The following TSPEAR variants were observed in gnomAD, a reference collection of about 807,000 sequenced individuals.
TSPEAR encodes thrombospondin type laminin G domain and EAR repeats.
Under a neutral mutation model 71.6 loss-of-function variants are expected in TSPEAR, and 69 were observed. That is an observed-to-expected ratio of 0.96 (90% CI 0.79 to 1.18). The LOEUF (loss-of-function observed/expected upper bound fraction) is 1.18, where lower values mean the gene tolerates loss of function less well. Among genes scored for constraint, TSPEAR ranks in the 50% most tolerant of loss-of-function variants. TSPEAR has a pLI of 0.00. For missense variants in TSPEAR, 971 were observed against 894.9 expected (o/e 1.09, Z -1.09); for synonymous variants, 402 against 387.2 (o/e 1.04, Z -0.45).
intron 1 of TSPEAR, chr21:44,627,821 C>T (rs782533154): frequency 7.4e-6 from 12 of 1,611,054 alleles, no homozygotes; most frequent in African/African-American, 4.0e-5. Context: ...GGCTGCCAGC[C>T]GGCTTGCTGC....
intron 1 of TSPEAR, among the ~76,000 whole-genome samples, chr21:44,625,856 G>C (rs1982740105): frequency 1.3e-5 from 2 of 152,298 alleles, no homozygotes; most frequent in South Asian, 4.1e-4. Flanking sequence ...CACCCCCAGG[G>C]ACAGTAGCTG....
At chr21:44,706,751 G>A (rs1392964824) in intron 1 of TSPEAR, among the ~76,000 whole-genome samples, 2 of 152,126 alleles carry the variant, frequency 1.3e-5, no homozygotes, top group Non-Finnish European at 2.9e-5. Flanking sequence ...ACCCGACTAG[G>A]TCACCCTAGA....
intron 1 of TSPEAR, among the ~76,000 whole-genome samples, chr21:44,665,834 T>C (rs868949325): frequency 6.6e-6 from 1 of 152,214 alleles, no homozygotes; most frequent in Non-Finnish European, 1.5e-5. Context: ...CTCCGCGACC[T>C]GGGAAACAGG....
intron 2 of TSPEAR, among the ~76,000 whole-genome samples, chr21:44,548,958 G>A (rs1175622573): frequency 3.3e-5 from 5 of 152,254 alleles, no homozygotes; most frequent in African/African-American, 7.2e-5. Flanking sequence ...GAAAACGAGC[G>A]CTTAGACAAA....
intron 1 of TSPEAR, chr21:44,654,515 A>G (rs1985011822): frequency 6.2e-7 from 1 of 1,613,336 alleles, no homozygotes. Context: ...CAGCAGCAGG[A>G]GGTCCCATAG....
In TSPEAR at chr21:44,499,631, C is replaced by T. The variant is rs2051987405; in HGVS notation, c.*152G>A. On this transcript the variant is annotated 3_prime_UTR_variant, in exon 12 of 12. Transcript: ENST00000323084. ...GGTGGATGGATGTCCCTGCCCGAAC[C>T]AGGGCCGCAGATGGCCCCACCTGCA... 2.7e-6 allele frequency: 2 copies of T among 738,342 alleles called. No homozygotes were observed. The highest frequency in any genetic ancestry group is 4.2e-6 in the Non-Finnish European group (2 of 481,292). The allele number at this position is 738,342 out of a possible 1,614,324, so 45.7% of individuals were successfully genotyped here.
chr21:44,599,642 T>C (rs1313876045), intron 1 of TSPEAR, among the ~76,000 whole-genome samples: 4 of 152,218 alleles, frequency 2.6e-5, no homozygotes, highest in African/African-American at 7.2e-5. Flanking sequence ...CATGAATAAA[T>C]GAATGCTTGA....
intron 2 of TSPEAR, among the ~76,000 whole-genome samples, chr21:44,564,186 C>T (rs2146063474): frequency 6.6e-6 from 1 of 152,238 alleles, no homozygotes; most frequent in South Asian, 2.1e-4. Context: ...CAATGAATGA[C>T]CACAAAAGTG....
At chr21:44,698,793 C>G (rs1477441147) in intron 1 of TSPEAR, among the ~76,000 whole-genome samples, 1 of 152,234 alleles carries the variant, frequency 6.6e-6, no homozygotes, top group Non-Finnish European at 1.5e-5. Context: ...TTCTACTGCC[C>G]CTACAACTCC....
At chr21:44,517,482 T>C (rs2052614649) in intron 9 of TSPEAR, 3 of 292,328 alleles carry the variant, frequency 1.0e-5, no homozygotes, top group Non-Finnish European at 2.0e-5. Flanking sequence ...CCAGCTAGGC[T>C]GGGTCATATG....
intron 1 of TSPEAR, among the ~76,000 whole-genome samples, chr21:44,615,463 A>G (rs1379173284): frequency 1.3e-5 from 2 of 152,038 alleles, no homozygotes; most frequent in Non-Finnish European, 2.9e-5. Context: ...TAGCTGGGGG[A>G]TTAAAGACAT....
chr21:44,695,982 G>C lies in TSPEAR; in HGVS notation c.82+15451C>G, dbSNP rs1267063529. Among the ~76,000 whole-genome samples the C allele has an allele frequency of 1.3e-5, 2 of 152,198 alleles. No individual in the cohort carries two copies. Among genetic ancestry groups the C allele is most frequent in the African/African-American group, 4.8e-5 (2 of 41,438 alleles). On this transcript the variant is annotated intron_variant, in intron 1 of 11. Transcript: ENST00000323084. The surrounding 1 kb of genome is among the most constrained non-coding windows in gnomAD (Gnocchi z 4.5). ...AGGCTAGATGAGCCCTGGGGCTCTA[G>C]AGTCCTCAACCACAAAGGCTGCCGA...
intron 1 of TSPEAR, among the ~76,000 whole-genome samples, chr21:44,670,218 TAGTTTCTGTGTC>T (rs1985989852): frequency 6.6e-6 from 1 of 152,212 alleles, no homozygotes; most frequent in Non-Finnish European, 1.5e-5. Flanking sequence ...GATGATGTTC[TAGTTTCTGTGTC>T]AGGTAGTGGG....
At chr21:44,703,170 C>G (rs1480987377) in intron 1 of TSPEAR, among the ~76,000 whole-genome samples, 1 of 152,358 alleles carries the variant, frequency 6.6e-6, no homozygotes, top group African/African-American at 2.4e-5. Context: ...CCTCTCCCAG[C>G]CTAGTGTTTA....
intron 11 of TSPEAR, among the ~76,000 whole-genome samples, 167 bp from the exon 12 acceptor site, chr21:44,500,103 G>A (rs1225909081): frequency 6.6e-6 from 1 of 152,168 alleles, no homozygotes. Flanking sequence ...GGGCCATGAG[G>A]GCCTTCTCAT....
At chr21:44,625,475 G>T (rs2146199038) in intron 1 of TSPEAR, among the ~76,000 whole-genome samples, 1 of 152,312 alleles carries the variant, frequency 6.6e-6, no homozygotes, top group South Asian at 2.1e-4. Context: ...AATGGGACTT[G>T]AATTATCTAT....
At chr21:44,617,764 A>C (rs782193928) in intron 1 of TSPEAR, among the ~76,000 whole-genome samples, 1 of 152,246 alleles carries the variant, frequency 6.6e-6, no homozygotes, top group Non-Finnish European at 1.5e-5. Context: ...AACACGCTGC[A>C]CTTGATGTCT....
In TSPEAR at chr21:44,647,779, G is replaced by A. The variant is rs587641819; in HGVS notation, c.82+63654C>T. The A allele has an allele frequency of 1.2e-4, 29 of 234,288 alleles. No homozygotes were observed. The South Asian group carries it at 2.2e-3, about 18-fold the overall frequency. 14.5% of individuals were successfully genotyped at this position (234,288 alleles called of 1,614,324 possible). A position where few individuals can be genotyped will look rare whatever the true frequency, so the allele number is the denominator to read the frequency against. ...CTCTCATTCCGAGATCAAACACTTGGAAGACAGCAGGCTTTGAAAGCAAAT... is the reference window on the plus strand; with the variant it reads ...CTCTCATTCCGAGATCAAACACTTGAAAGACAGCAGGCTTTGAAAGCAAAT... On this transcript the variant is annotated intron_variant, in intron 1 of 11. Coordinates refer to ENST00000323084, the MANE Select transcript of TSPEAR (RefSeq NM_144991.3).
intron 1 of TSPEAR, among the ~76,000 whole-genome samples, chr21:44,604,262 TG>T (rs1202973400): frequency 1.3e-5 from 2 of 152,210 alleles, no homozygotes; most frequent in African/African-American, 4.8e-5. Context: ...TGACTTCTGT[TG>T]GTTTCTGAAC....
Sources: allele counts gnomAD v4.1 joint callset (sites outside exome capture counted in the v4.1 genomes callset), GRCh38; gene constraint gnomAD v4.1.1; non-coding constraint Gnocchi (gnomAD v3.1); transcripts MANE v1.5; gene names NCBI Gene and HGNC (gene_info 2026-07-23, HGNC 2026-07-21).